Variants in SPON1 observed in about 807,000 individuals in gnomAD.
SPON1 encodes the protein spondin-1.
In SPON1, 52 loss-of-function variants were observed where a neutral mutation model predicts 111.7. That is an observed-to-expected ratio of 0.47 (90% CI 0.37 to 0.59). SPON1 has a LOEUF of 0.59. Ranked by LOEUF, SPON1 falls within the 20% of genes least tolerant of loss-of-function variation. The pLI, the probability that SPON1 is intolerant of heterozygous loss-of-function variation, is 0.00. For synonymous variants in SPON1, 410 were observed against 395.8 expected (o/e 1.04, Z -0.43); for missense variants, 957 against 1,068.5 (o/e 0.90, Z 1.46).
chr11:14,155,325 G>C (rs1847831263), intron 6 of SPON1, among the ~76,000 whole-genome samples: 1 of 152,212 alleles, frequency 6.6e-6, no homozygotes, highest in East Asian at 1.9e-4. Context: ...AATTTACAAA[G>C]AAAAGAGGTT....
rs553988164 is a variant in SPON1, at chr11:14,040,207, A to T, written c.346-1314A>T. 2.6e-5 allele frequency among the ~76,000 whole-genome samples: 4 copies of T among 152,324 alleles called. No individual in the cohort carries two copies. In the East Asian group the frequency reaches 7.7e-4, roughly 29 times the overall value. Reference sequence around the variant, plus strand: ...ACAGCAGCATGAGGTTCTTCATTACATCAATATTTGTGGAGACAAGGAACT... The same window carrying T: ...ACAGCAGCATGAGGTTCTTCATTACTTCAATATTTGTGGAGACAAGGAACT... On this transcript the variant is annotated intron_variant, in intron 2 of 15. Coordinates refer to ENST00000576479, the MANE Select transcript of SPON1 (RefSeq NM_006108.4).
At chr11:14,144,637 T>TAAG (rs1308261456) in intron 6 of SPON1, among the ~76,000 whole-genome samples, 2 of 59,122 alleles carry the variant, frequency 3.4e-5, no homozygotes, top group African/African-American at 1.8e-4. Context: ...CCATCTCCAA[T>TAAG]AATAATAATA....
At chr11:14,049,756 T>C (rs1468198031) in intron 3 of SPON1, among the ~76,000 whole-genome samples, 1 of 152,116 alleles carries the variant, frequency 6.6e-6, no homozygotes, top group Non-Finnish European at 1.5e-5. Context: ...ATCCAAAAGA[T>C]TTTTCATAAC....
chr11:14,241,085 A>ACC (rs67904757), intron 6 of SPON1, among the ~76,000 whole-genome samples: 1 of 151,798 alleles, frequency 6.6e-6, no homozygotes, highest in Non-Finnish European at 1.5e-5. Flanking sequence ...GCACACACAC[A>ACC]CACACATCCT....
At chr11:14,124,272 G>A (rs1028080413) in intron 5 of SPON1, among the ~76,000 whole-genome samples, 1 of 151,954 alleles carries the variant, frequency 6.6e-6, no homozygotes, top group African/African-American at 2.4e-5. Flanking sequence ...CTCTGCTTTT[G>A]CATCTATTAT....
intron 6 of SPON1, among the ~76,000 whole-genome samples, chr11:14,189,400 T>G (rs1848319732): frequency 6.6e-6 from 1 of 152,204 alleles, no homozygotes; most frequent in South Asian, 2.1e-4. Context: ...CAATTCTCTT[T>G]TTCTGCCATC....
chr11:14,106,599 G>A (rs1849186414), intron 5 of SPON1, among the ~76,000 whole-genome samples: 1 of 152,162 alleles, frequency 6.6e-6, no homozygotes, highest in South Asian at 2.1e-4. Flanking sequence ...TGAAAGTGAA[G>A]CATGAGTCCA....
chr11:14,129,437 A>G (rs1847501685), intron 5 of SPON1, among the ~76,000 whole-genome samples: 1 of 152,230 alleles, frequency 6.6e-6, no homozygotes, highest in Non-Finnish European at 1.5e-5. Context: ...GCTAAAGTGT[A>G]GCAAATGTAA....
intron 6 of SPON1, among the ~76,000 whole-genome samples, chr11:14,223,380 T>G (rs10832238): frequency 0.25 from 37,272 of 151,916 alleles, 4,836 homozygotes; most frequent in Admixed American, 0.32. Flanking sequence ...AAATAAATAG[T>G]GGAAAAAGTG....
At chr11:13,967,970 AG>A (rs1848032255) in intron 1 of SPON1, among the ~76,000 whole-genome samples, 1 of 152,220 alleles carries the variant, frequency 6.6e-6, no homozygotes, top group South Asian at 2.1e-4. Context: ...GAATTTTTCA[AG>A]GTTTAAAACT....
At chr11:14,222,217 C>A (rs1554937668) in intron 6 of SPON1, among the ~76,000 whole-genome samples, 2 of 152,192 alleles carry the variant, frequency 1.3e-5, no homozygotes, top group African/African-American at 4.8e-5. Flanking sequence ...TTTGTCCCTG[C>A]ACCTCTACCT....
chr11:14,073,489 C>T (rs1323194026), intron 3 of SPON1, among the ~76,000 whole-genome samples: 1 of 152,152 alleles, frequency 6.6e-6, no homozygotes, highest in African/African-American at 2.4e-5. Flanking sequence ...TCCCATGAGC[C>T]CATGTCCCTC....
At chr11:14,043,670 T>C (rs1219086183) in intron 3 of SPON1, among the ~76,000 whole-genome samples, 1 of 152,188 alleles carries the variant, frequency 6.6e-6, no homozygotes, top group Non-Finnish European at 1.5e-5. Flanking sequence ...TGAGGAGCCT[T>C]CCTGCTCTAA....
rs12574940 is a variant in SPON1 at position 14,228,792 on chromosome 11, A to C, written c.826-14540A>C. On this transcript the variant is annotated intron_variant, in intron 6 of 15. Transcript: ENST00000576479. The surrounding 1 kb of genome is among the most constrained non-coding windows in gnomAD (Gnocchi z 4.2). Reference sequence around the variant, plus strand: ...ACGCACAATAAAGTTGTATAGGGCAACCGTGAGATGTGAAAACAAATGCAT... The same window carrying C: ...ACGCACAATAAAGTTGTATAGGGCACCCGTGAGATGTGAAAACAAATGCAT... Among the ~76,000 whole-genome samples, 17 of 152,224 alleles carry C rather than the reference A, an allele frequency of 1.1e-4. No individual in the cohort carries two copies. Among genetic ancestry groups the C allele is most frequent in the Non-Finnish European group, 2.1e-4 (14 of 68,042 alleles).
chr11:13,967,196 G>A (rs1238959212), intron 1 of SPON1, among the ~76,000 whole-genome samples: 5 of 152,180 alleles, frequency 3.3e-5, no homozygotes, highest in Non-Finnish European at 5.9e-5. Flanking sequence ...CTCTTAACCA[G>A]TCTTATGTGC....
chr11:14,259,299 G>T lies in SPON1; in HGVS notation c.1512G>T (p.Met504Ile). The T allele has an allele frequency of 6.2e-7, 1 of 1,612,612 alleles. No individual in the cohort carries two copies. The highest frequency in any genetic ancestry group is 1.1e-5 in the South Asian group (1 of 90,618). Reference protein sequence around the residue: ...CSDEDGSTCTMSEWITWSPCS... With the variant: ...CSDEDGSTCTISEWITWSPCS... The stretch of plus-strand genomic sequence containing the variant: ...TTGCAGACGGCTCCACCTGCACCAT[G>T]TCCGAGTGGATCACCTGGTCGCCCT... The change falls in exon 12 of 16, where the codon ATG (methionine) becomes ATT (isoleucine). Residue 504 changes from methionine (M) to isoleucine (I), a missense_variant. By Grantham distance (10) the Met-to-Ile change is conservative. This residue lies in a region of SPON1 where 549 missense variants were observed against 606.2 expected (regional missense o/e 0.91). Coordinates refer to ENST00000576479, the MANE Select transcript of SPON1 (RefSeq NM_006108.4). This position sits in a 1 kb window ranked among gnomAD's most constrained non-coding sequence, Gnocchi z 5.0.
At chr11:14,055,956 T>G (rs1848741945) in intron 3 of SPON1, among the ~76,000 whole-genome samples, 1 of 152,180 alleles carries the variant, frequency 6.6e-6, no homozygotes, top group Non-Finnish European at 1.5e-5. Context: ...TTACTTCTCC[T>G]TCAAAGATTA....
At chr11:14,256,719 G>A (rs1849113253) in intron 10 of SPON1, 27 bp downstream of exon 10, 2 of 1,578,562 alleles carry the variant, frequency 1.3e-6, no homozygotes, top group African/African-American at 2.7e-5. Flanking sequence ...TGTTGCAGGT[G>A]GCAACATAAA....
intron 6 of SPON1, among the ~76,000 whole-genome samples, chr11:14,147,791 T>TG (rs1395107745): frequency 2.5e-5 from 3 of 122,392 alleles, no homozygotes; most frequent in Non-Finnish European, 5.5e-5. Flanking sequence ...AACAAAGGGC[T>TG]AATTTTTTTT....
Sources: gnomAD v4.1 joint callset for allele counts (sites outside exome capture counted in the v4.1 genomes callset) on GRCh38, gnomAD v4.1.1 for gene constraint, gnomAD v4.1.1 regional missense constraint, Gnocchi (gnomAD v3.1) non-coding constraint, MANE v1.5 for transcripts, NCBI Gene and HGNC (gene_info 2026-07-23, HGNC 2026-07-21) for gene names.